The following BTBD3 variants were observed in gnomAD, a reference collection of about 807,000 sequenced individuals.
BTBD3 encodes the protein BTB/POZ domain-containing protein 3.
Under a neutral mutation model 41.6 loss-of-function variants are expected in BTBD3, and 14 were observed. The observed-to-expected ratio is 0.34, with a 90% CI of 0.22 to 0.53. BTBD3 has a LOEUF of 0.53. Ranked by LOEUF, BTBD3 falls within the 20% of genes least tolerant of loss-of-function variation. The probability of loss-of-function intolerance (pLI) is 0.95; values close to 1 mark genes in which losing one functional copy is unlikely to be tolerated. For synonymous variants in BTBD3, 249 were observed against 233.7 expected (o/e 1.07, Z -0.60); for missense variants, 426 against 654.7 (o/e 0.65, Z 3.81).
chr20:11,895,321 G>A (rs557209916), intron 1 of BTBD3, among the ~76,000 whole-genome samples: 168 of 152,268 alleles, frequency 1.1e-3, no homozygotes, highest in African/African-American at 3.9e-3. Context: ...TGTCCTTTCA[G>A]ATAAAGATTA....
At chr20:11,893,228 T>C (rs952365513) in intron 1 of BTBD3, among the ~76,000 whole-genome samples, 1 of 152,240 alleles carries the variant, frequency 6.6e-6, no homozygotes, top group African/African-American at 2.4e-5. Context: ...TTGTAAGTTA[T>C]CAGACTTTAG....
intron 3 of BTBD3, among the ~76,000 whole-genome samples, chr20:11,920,345 A>G (rs911149742): frequency 6.6e-6 from 1 of 152,234 alleles, no homozygotes; most frequent in African/African-American, 2.4e-5. Context: ...ATACATATAC[A>G]TACTCATATA....
chr20:11,890,831 G>A, exon 1 of BTBD3: 1 of 985,190 alleles, frequency 1.0e-6, no homozygotes, highest in Non-Finnish European at 1.2e-6. Flanking sequence ...CGTGCCCTGC[G>A]TGCGGGTGCC....
intron 1 of BTBD3, among the ~76,000 whole-genome samples, chr20:11,895,578 A>T (rs1415899236): frequency 6.6e-6 from 1 of 151,532 alleles, no homozygotes; most frequent in Non-Finnish European, 1.5e-5. Context: ...GTGTTCATGG[A>T]GGAATCTGGC....
chr20:11,912,594 T>G (rs67667422), intron 1 of BTBD3, among the ~76,000 whole-genome samples: 42,622 of 152,146 alleles, frequency 0.28, 6,904 homozygotes, highest in Non-Finnish European at 0.36. Flanking sequence ...GGAGCTAGAT[T>G]AATCTTTGAG....
chr20:11,901,867 T>C (rs1385881057), intron 1 of BTBD3, among the ~76,000 whole-genome samples: 1 of 152,220 alleles, frequency 6.6e-6, no homozygotes, highest in East Asian at 1.9e-4. Flanking sequence ...AGTGTTTCTA[T>C]AGTATTATAT....
rs1391039425 is a variant in BTBD3, at chr20:11,923,120, T to C, written c.1023T>C (p.Thr341=). ...GTGCTGCACAGTCCGGGGTATTAAC[T>C]CTCAATGAGACCAACGACATCTTCC... is the stretch of plus-strand genomic sequence containing the variant. The part of the protein sequence containing the change: ...ANGAAQSGVL[T]LNETNDIFLW... Residue 341 remains threonine (T), a synonymous_variant, in exon 4 of 4, where the codon ACT becomes ACC. Transcript: ENST00000378226. The surrounding 1 kb of genome is among the most constrained non-coding windows in gnomAD (Gnocchi z 5.3). 1.2e-6 allele frequency: 2 copies of C among 1,613,962 alleles called. No homozygotes were observed. Among genetic ancestry groups the C allele is most frequent in the Non-Finnish European group, 1.7e-6 (2 of 1,180,058 alleles).
chr20:11,923,012 C>T lies in BTBD3; in HGVS notation c.915C>T (p.Ser305=). The change falls in exon 4 of 4, where the codon AGC becomes AGT. Residue 305 remains serine, a synonymous_variant. Coordinates refer to ENST00000378226, the MANE Select transcript of BTBD3 (RefSeq NM_014962.4). This position sits in a 1 kb window ranked among gnomAD's most constrained non-coding sequence, Gnocchi z 5.3. ...VECQRQDLAL[S]IENKRKVLGK... is the part of the protein sequence containing the mutation. ...GCCAACGACAAGATCTGGCGTTGAGCATTGAAAATAAACGCAAGGTTCTAG... is the reference window on the plus strand; with the variant it reads ...GCCAACGACAAGATCTGGCGTTGAGTATTGAAAATAAACGCAAGGTTCTAG... 1 of 1,614,196 alleles carries T rather than the reference C, an allele frequency of 6.2e-7. No homozygotes were observed. The highest frequency in any genetic ancestry group is 1.3e-5 in the African/African-American group (1 of 75,070).
chr20:11,919,078 G>T lies in BTBD3; in HGVS notation c.327-8G>T. On this transcript the variant is annotated splice_region_variant and splice_polypyrimidine_tract_variant and intron_variant, in intron 1 of 3. Transcript: ENST00000378226. Reference sequence around the variant, plus strand: ...TGCTGTGAATTAATGAGTTGCCTCTGTTTATAGAAATGCGATGATGTTCAA... The same window carrying T: ...TGCTGTGAATTAATGAGTTGCCTCTTTTTATAGAAATGCGATGATGTTCAA... 6.2e-7 allele frequency: 1 copy of T among 1,609,508 alleles called. No individual in the cohort carries two copies. The highest frequency in any genetic ancestry group is 8.5e-7 in the Non-Finnish European group (1 of 1,176,674).
chr20:11,918,842 T>TG (rs2056940911), intron 1 of BTBD3: 1 of 571,174 alleles, frequency 1.8e-6, no homozygotes, highest in African/African-American at 1.9e-5. Flanking sequence ...CCATAGAAAA[T>TG]GGGAACCTTT....
rs548536241 is a variant in BTBD3, at chr20:11,906,023, G to T, written c.-125-12311G>T. Among the ~76,000 whole-genome samples the T allele has an allele frequency of 3.4e-4, 51 of 152,084 alleles. 1 individual carries two copies. The South Asian group carries it at 1.0e-2, about 30-fold the overall frequency. ...TGCCTTCTAAGAAATATACTTTTATGGCCAGTGAATTCGTTATTGAAAAAT... is the reference window on the plus strand; with the variant it reads ...TGCCTTCTAAGAAATATACTTTTATTGCCAGTGAATTCGTTATTGAAAAAT... On this transcript the variant is annotated intron_variant, in intron 1 of 4. Transcript: ENST00000254977.
Position 11,925,911 on chromosome 20 carries a change from A to G in BTBD3, c.*2245A>G, listed in dbSNP as rs1417749149. 1 of 152,416 alleles carries G rather than the reference A, an allele frequency of 6.6e-6. No homozygotes were observed. The highest frequency in any genetic ancestry group is 1.5e-5 in the Non-Finnish European group (1 of 68,034). The allele number at this position is 152,416 out of a possible 1,614,324, so 9.4% of individuals were successfully genotyped here. ...CTGTACACTGTGTATAGAATAATGT[A>G]ATTTTATGTTAATTGTTATTACTTT... On this transcript the variant is annotated 3_prime_UTR_variant, in exon 4 of 4. Coordinates refer to ENST00000378226, the MANE Select transcript of BTBD3 (RefSeq NM_014962.4).
intron 1 of BTBD3, 77 bp from the exon 2 acceptor site, chr20:11,919,009 T>C (rs750128112): frequency 7.9e-5 from 86 of 1,083,786 alleles, no homozygotes; most frequent in Non-Finnish European, 1.1e-4. Context: ...GCAAGTCTTT[T>C]GTGGGTTTTG....
At chr20:11,917,529 A>G (rs1028441698), upstream of BTBD3, among the ~76,000 whole-genome samples, 2 of 152,230 alleles carry the variant, frequency 1.3e-5, no homozygotes, top group African/African-American at 2.4e-5. Flanking sequence ...TGTTTTAAGT[A>G]TTTGAAACTA....
At position 11,926,040 on chromosome 20, in the gene BTBD3, T is replaced by G. The variant is rs1478704482; in HGVS notation, c.*2374T>G. The G allele has an allele frequency of 6.6e-6, 1 of 152,306 alleles. No homozygotes were observed. Among genetic ancestry groups the G allele is most frequent in the Admixed American group, 6.5e-5 (1 of 15,276 alleles). The allele number at this position is 152,306 out of a possible 1,614,324, so 9.4% of individuals were successfully genotyped here. On this transcript the variant is annotated 3_prime_UTR_variant, in exon 4 of 4. Transcript: ENST00000378226. ...TTACATTTTAAACCCTATTGTCCTTTATGCATTTTCAATGAAATGGAATGA... is the reference window on the plus strand; with the variant it reads ...TTACATTTTAAACCCTATTGTCCTTGATGCATTTTCAATGAAATGGAATGA...
At chr20:11,902,686 G>A (rs1342388850) in intron 1 of BTBD3, among the ~76,000 whole-genome samples, 4 of 152,164 alleles carry the variant, frequency 2.6e-5, no homozygotes, top group African/African-American at 4.8e-5. Flanking sequence ...CAGTAGAATA[G>A]TATGTACTAC....
At chr20:11,904,361 C>A (rs1317641942) in intron 1 of BTBD3, among the ~76,000 whole-genome samples, 1 of 152,188 alleles carries the variant, frequency 6.6e-6, no homozygotes, top group Non-Finnish European at 1.5e-5. Flanking sequence ...AACTTACTCA[C>A]TATCAAGGTG....
At chr20:11,908,695 T>G (rs1306926071) in intron 1 of BTBD3, among the ~76,000 whole-genome samples, 2 of 152,164 alleles carry the variant, frequency 1.3e-5, no homozygotes, top group Admixed American at 6.5e-5. Context: ...CTCTATTTTC[T>G]TAGTTCTAAT....
intron 1 of BTBD3, among the ~76,000 whole-genome samples, chr20:11,894,809 G>T (rs1280515411): frequency 6.6e-6 from 1 of 152,078 alleles, no homozygotes; most frequent in African/African-American, 2.4e-5. Context: ...AATGGCCCCA[G>T]TGAAAAACTC....
Sources: gnomAD v4.1 joint callset for allele counts (sites outside exome capture counted in the v4.1 genomes callset) on GRCh38, gnomAD v4.1.1 for gene constraint, Gnocchi (gnomAD v3.1) non-coding constraint, MANE v1.5 for transcripts, NCBI Gene and HGNC (gene_info 2026-07-23, HGNC 2026-07-21) for gene names.